Variants in ZIC5 observed in about 807,000 individuals in gnomAD.
ZIC5 encodes the protein Zic family zinc finger 5, also known as zinc finger protein ZIC 5.
ZIC5 carries 20 observed loss-of-function variants against 28.5 expected under a neutral mutation model. The ratio of observed to expected loss-of-function variants is 0.70; its 90% CI spans 0.49 to 1.02. The LOEUF is 1.02. Among genes scored for constraint, ZIC5 ranks in the 50% least tolerant of loss-of-function variants. ZIC5 has a pLI of 0.00. For synonymous variants in ZIC5, 488 were observed against 410.4 expected (o/e 1.19, Z -2.29); for missense variants, 951 against 899.7 (o/e 1.06, Z -0.73).
rs376782425 is a variant in ZIC5 at position 99,971,637 on chromosome 13, T to TG, written c.-35dup. 3 of 1,560,632 alleles carry TG rather than the reference T, an allele frequency of 1.9e-6. No individual in the cohort carries two copies. Among genetic ancestry groups the TG allele is most frequent in the South Asian group, 1.2e-5 (1 of 84,690 alleles). Reference sequence around the variant, plus strand: ...CACAATCAGGCCCATAGACCCTCACTGGGGGGACTTTATTCCCTCTGCCCG... The same window carrying TG: ...CACAATCAGGCCCATAGACCCTCACTGGGGGGGACTTTATTCCCTCTGCCCG... On this transcript the variant is annotated 5_prime_UTR_variant, in exon 1 of 2. It introduces an in-frame stop codon into an upstream open reading frame of the 5' UTR. Coordinates refer to ENST00000267294, the MANE Select transcript of ZIC5 (RefSeq NM_033132.5).
chr13:99,967,237 G>A (rs2053107089), intron 1 of ZIC5, among the ~76,000 whole-genome samples: 1 of 152,228 alleles, frequency 6.6e-6, no homozygotes. Context: ...GAGTATGCTA[G>A]CACATCTGAG....
intron 1 of ZIC5, among the ~76,000 whole-genome samples, chr13:99,969,482 C>T (rs563384850): frequency 7.9e-6 from 1 of 126,822 alleles, no homozygotes; most frequent in African/African-American, 2.5e-5. Context: ...GGGAGACGCA[C>T]GCAGAAGAAG....
chr13:99,971,355 G>A lies in ZIC5; in HGVS notation c.249C>T (p.Pro83=), dbSNP rs1162708642. ...AQASTLGLSP[P]SQAFPAHPEA... ...CCGGGTGTGCCGGGAACGCCTGGGA[G>A]GGAGGGCTGAGGCCCAGCGTGCTCG... is the stretch of plus-strand genomic sequence containing the variant. The change falls in exon 1 of 2, where the codon CCC becomes CCT. Residue 83 remains proline, a synonymous_variant. Transcript: ENST00000267294. 7.0e-7 allele frequency: 1 copy of A among 1,438,338 alleles called. No homozygotes were observed. The highest frequency in any genetic ancestry group is 2.7e-5 in the East Asian group (1 of 36,672). 89.1% of individuals were successfully genotyped at this position (1,438,338 alleles called of 1,614,324 possible).
intron 1 of ZIC5, among the ~76,000 whole-genome samples, chr13:99,968,512 G>A (rs1452185787): frequency 6.6e-6 from 1 of 152,046 alleles, no homozygotes; most frequent in Non-Finnish European, 1.5e-5. Context: ...CTGTCCCGCC[G>A]GGGGCCCGGA....
In ZIC5 at chr13:99,971,019, C is replaced by G. The variant is rs2053152203; in HGVS notation, c.585G>C (p.Gly195=). 25 of 1,415,378 alleles carry G rather than the reference C, an allele frequency of 1.8e-5. No individual in the cohort carries two copies. Among genetic ancestry groups the G allele is most frequent in the Non-Finnish European group, 2.3e-5 (25 of 1,097,632 alleles). 87.7% of individuals were successfully genotyped at this position (1,415,378 alleles called of 1,614,324 possible). A position where few individuals can be genotyped will look rare whatever the true frequency, so the allele number is the denominator to read the frequency against. Reference sequence around the variant, plus strand: ...GGGAGCCGGTGCCGGACCGCTGCTCCCCTCCGAGCGGGGCCCCGTGCATGG... The same window carrying G: ...GGGAGCCGGTGCCGGACCGCTGCTCGCCTCCGAGCGGGGCCCCGTGCATGG... The part of the protein sequence containing the change: ...AAAMHGAPLG[G]EQRSGTGSPQ... Residue 195 remains glycine, a synonymous_variant, in exon 1 of 2, where the codon GGG becomes GGC. Coordinates refer to ENST00000267294, the MANE Select transcript of ZIC5 (RefSeq NM_033132.5).
Position 99,963,095 on chromosome 13 carries a change from A to T in ZIC5, c.*2282T>A, listed in dbSNP as rs1222801258. On this transcript the variant is annotated 3_prime_UTR_variant, in exon 2 of 2. Transcript: ENST00000267294. ...TGCTTGCTCTCTATTGGAGGTACAC[A>T]TTTTTTTTTATTTTAGGTGTATCAA... is the stretch of plus-strand genomic sequence containing the variant. 6.7e-6 allele frequency: 1 copy of T among 150,348 alleles called. No individual in the cohort carries two copies. The highest frequency in any genetic ancestry group is 1.5e-5 in the Non-Finnish European group (1 of 67,872). 9.3% of individuals were successfully genotyped at this position (150,348 alleles called of 1,614,324 possible).
Position 99,970,437 on chromosome 13 carries a change from C to A in ZIC5, c.1167G>T (p.Pro389=), listed in dbSNP as rs1844759464. The A allele has an allele frequency of 9.6e-7, 1 of 1,046,424 alleles. No individual in the cohort carries two copies. The highest frequency in any genetic ancestry group is 1.1e-6 in the Non-Finnish European group (1 of 870,506). The allele number at this position is 1,046,424 out of a possible 1,614,324, so 64.8% of individuals were successfully genotyped here. A position where few individuals can be genotyped will look rare whatever the true frequency, so the allele number is the denominator to read the frequency against. Residue 389 remains proline, a synonymous_variant, in exon 1 of 2, where the codon CCG becomes CCT. Transcript: ENST00000267294. ...GTGGCGGCGGCGGCGGCGGCGGCGG[C>A]GGCGGCGGCGGCAGCCCGGCCAGCT... is the stretch of plus-strand genomic sequence containing the variant. ...PDELAGLPPP[P]PPPPPPPPPP...
rs774978018 is a variant in ZIC5 at position 99,970,514 on chromosome 13, T to C, written c.1090A>G (p.Met364Val). Residue 364 changes from methionine (M) to valine (V), a missense_variant, in exon 1 of 2, where the codon ATG (methionine) becomes GTG (valine). By Grantham distance (21) the Met-to-Val change is conservative. Coordinates refer to ENST00000267294, the MANE Select transcript of ZIC5 (RefSeq NM_033132.5). The stretch of plus-strand genomic sequence containing the variant: ...AGCTCCTGCTTGATTGGCTGCCGCA[T>C]GTAGCGCAGGAAGGCCCCAGCCGCC... ...PGAAGAFLRYMRQPIKQELIC... is the reference protein window; with the variant it reads ...PGAAGAFLRYVRQPIKQELIC... 5 of 1,126,722 alleles carry C rather than the reference T, an allele frequency of 4.4e-6. No homozygotes were observed. Among genetic ancestry groups the C allele is most frequent in the East Asian group, 7.2e-5 (1 of 13,938 alleles). The allele number at this position is 1,126,722 out of a possible 1,614,324, so 69.8% of individuals were successfully genotyped here.
At position 99,970,287 on chromosome 13, in the gene ZIC5, C is replaced by T. The variant is rs1236326922; in HGVS notation, c.1317G>A (p.Glu439=). 6.2e-7 allele frequency: 1 copy of T among 1,613,698 alleles called. No homozygotes were observed. The highest frequency in any genetic ancestry group is 8.5e-7 in the Non-Finnish European group (1 of 1,179,868). Residue 439 remains glutamate (E), a synonymous_variant, in exon 1 of 2, where the codon GAG becomes GAA. Coordinates refer to ENST00000267294, the MANE Select transcript of ZIC5 (RefSeq NM_033132.5). ...PEQSSHVCFW[E]DCPREGKPFK... ...AGGGCTTGCCCTCGCGCGGACAGTC[C>T]TCCCAGAAGCAGACGTGGCTGCTCT...
rs1213117261 is a variant in ZIC5 at position 99,964,410 on chromosome 13, A to C, written c.*967T>G. 6.6e-6 allele frequency: 1 copy of C among 152,162 alleles called. No individual in the cohort carries two copies. Among genetic ancestry groups the C allele is most frequent in the Non-Finnish European group, 1.5e-5 (1 of 68,016 alleles). The allele number at this position is 152,162 out of a possible 1,614,324, so 9.4% of individuals were successfully genotyped here. A position where few individuals can be genotyped will look rare whatever the true frequency, so the allele number is the denominator to read the frequency against. The stretch of plus-strand genomic sequence containing the variant: ...ACTGTGAATGTTGGCATCCCAAAGA[A>C]CTTAGGATCGAAAACAGAATCTCTT... On this transcript the variant is annotated 3_prime_UTR_variant, in exon 2 of 2. Transcript: ENST00000267294.
In ZIC5 at chr13:99,970,714, G is replaced by A; in HGVS notation, c.890C>T (p.Ala297Val). 2.5e-6 allele frequency: 3 copies of A among 1,182,972 alleles called. No homozygotes were observed. The highest frequency in any genetic ancestry group is 2.3e-5 in the South Asian group (1 of 43,750). 73.3% of individuals were successfully genotyped at this position (1,182,972 alleles called of 1,614,324 possible). A position where few individuals can be genotyped will look rare whatever the true frequency, so the allele number is the denominator to read the frequency against. ...GGCTCCGTAGCCGTGCAGGGCGGCC[G>A]CCGCTGCGGCCGCAACCGCCCCGTA... ...AHYGAVAAAA[A>V]AALHGYGAVN... Residue 297 changes from alanine (A) to valine (V), a missense_variant, in exon 1 of 2, where the codon GCG becomes GTG. Ala to Val is a moderately conservative substitution (Grantham distance 64, BLOSUM62 0). Around this residue, in one of 3 missense-constraint regions of ZIC5, gnomAD observed 784 missense variants for 660.1 expected, o/e 1.19. Transcript: ENST00000267294.
Position 99,970,623 on chromosome 13 carries a change from C to T in ZIC5, c.981G>A (p.Leu327=). Reference sequence around the variant, plus strand: ...GCGCCGGGGGCGGCGCGTGGTGCTGCAGGTGGGGCCCGGGCCCGGCCGCTG... The same window carrying T: ...GCGCCGGGGGCGGCGCGTGGTGCTGTAGGTGGGGCCCGGGCCCGGCCGCTG... ...AAAAAGPGPH[L]QHHAPPPAPP... Residue 327 remains leucine (L), a synonymous_variant, in exon 1 of 2, where the codon CTG becomes CTA. Coordinates refer to ENST00000267294, the MANE Select transcript of ZIC5 (RefSeq NM_033132.5). The T allele has an allele frequency of 9.5e-7, 1 of 1,057,860 alleles. No individual in the cohort carries two copies. Among genetic ancestry groups the T allele is most frequent in the Non-Finnish European group, 1.1e-6 (1 of 880,910 alleles). The allele number at this position is 1,057,860 out of a possible 1,614,324, so 65.5% of individuals were successfully genotyped here.
intron 1 of ZIC5, among the ~76,000 whole-genome samples, chr13:99,969,491 A>T (rs1272014672): frequency 7.0e-6 from 1 of 143,770 alleles, no homozygotes; most frequent in Non-Finnish European, 1.6e-5. Flanking sequence ...ACGCAGAAGA[A>T]GGTGTGCGTG....
At chr13:99,969,633 C>A (rs1291315113) in intron 1 of ZIC5, among the ~76,000 whole-genome samples, 1 of 152,150 alleles carries the variant, frequency 6.6e-6, no homozygotes, top group Admixed American at 6.5e-5. Context: ...GCAAATCCCA[C>A]GCCCGGTCCT....
At position 99,963,913 on chromosome 13, in the gene ZIC5, G is replaced by A. The variant is rs2053076563; in HGVS notation, c.*1464C>T. On this transcript the variant is annotated 3_prime_UTR_variant, in exon 2 of 2. Transcript: ENST00000267294. ...AACCCTGGGGAGGGGGTGTCTTCGG[G>A]GTCTCTAAGGATAAATTAGTGCTCT... is the stretch of plus-strand genomic sequence containing the variant. 6.6e-6 allele frequency: 1 copy of A among 152,286 alleles called. No homozygotes were observed. The highest frequency in any genetic ancestry group is 6.5e-5 in the Admixed American group (1 of 15,276). 9.4% of individuals were successfully genotyped at this position (152,286 alleles called of 1,614,324 possible). A position where few individuals can be genotyped will look rare whatever the true frequency, so the allele number is the denominator to read the frequency against.
upstream of ZIC5, chr13:99,971,790 A>G (rs189345480): frequency 5.0e-5 from 68 of 1,358,582 alleles, no homozygotes; most frequent in East Asian, 1.7e-3. Flanking sequence ...TGAGCTGCAC[A>G]GTGGGACCGA....
Position 99,971,181 on chromosome 13 carries a change from G to A in ZIC5, c.423C>T (p.Pro141=), listed in dbSNP as rs769954251. ...PPLPPTPSPP[P]PPPPPPPPAL... ...CAGGAGGAGGAGGAGGCGGGGGAGG[G>A]GGAGGGGGTGAAGGGGTGGGAGGAA... Residue 141 remains proline (P), a synonymous_variant, in exon 1 of 2, where the codon CCC becomes CCT. Transcript: ENST00000267294. 6.7e-6 allele frequency: 9 copies of A among 1,342,346 alleles called. No individual in the cohort carries two copies. The highest frequency in any genetic ancestry group is 6.2e-5 in the African/African-American group (4 of 64,228). 83.2% of individuals were successfully genotyped at this position (1,342,346 alleles called of 1,614,324 possible).
In ZIC5 at chr13:99,963,655, A is replaced by G. The variant is rs2053073594; in HGVS notation, c.*1722T>C. On this transcript the variant is annotated 3_prime_UTR_variant, in exon 2 of 2. Transcript: ENST00000267294. Reference sequence around the variant, plus strand: ...AGTAAGCTTAAAAATATATTTTTCCATTTTCTTTCCTTTTTTTTTTAAATA... The same window carrying G: ...AGTAAGCTTAAAAATATATTTTTCCGTTTTCTTTCCTTTTTTTTTTAAATA... 6.6e-6 allele frequency: 1 copy of G among 151,822 alleles called. No individual in the cohort carries two copies. Among genetic ancestry groups the G allele is most frequent in the Non-Finnish European group, 1.5e-5 (1 of 67,898 alleles). 9.4% of individuals were successfully genotyped at this position (151,822 alleles called of 1,614,324 possible).
chr13:99,970,829 G>T lies in ZIC5; in HGVS notation c.775C>A (p.Leu259Met). Residue 259 changes from leucine to methionine, a missense_variant, in exon 1 of 2, where the codon CTG (leucine) becomes ATG (methionine). By Grantham distance (15) the Leu-to-Met change is conservative (BLOSUM62 2). This residue lies in a region of ZIC5 where 784 missense variants were observed against 660.1 expected (regional missense o/e 1.19). Transcript: ENST00000267294. Reference protein sequence around the residue: ...HPHPLNGQMRLGLAAAAAAAA... With the variant: ...HPHPLNGQMRMGLAAAAAAAA... ...GCTGCCGCTGCCGCCGCCAGCCCCA[G>T]GCGCATCTGGCCGTTGAGCGGGTGC... 15 of 1,233,126 alleles carry T rather than the reference G, an allele frequency of 1.2e-5. No homozygotes were observed. Among genetic ancestry groups the T allele is most frequent in the Non-Finnish European group, 1.5e-5 (15 of 993,318 alleles). The allele number at this position is 1,233,126 out of a possible 1,614,324, so 76.4% of individuals were successfully genotyped here.
Sources: allele counts gnomAD v4.1 joint callset (sites outside exome capture counted in the v4.1 genomes callset), GRCh38; gene constraint gnomAD v4.1.1; regional missense constraint gnomAD v4.1.1; transcripts MANE v1.5; gene names NCBI Gene and HGNC (gene_info 2026-07-23, HGNC 2026-07-21).